UBR3: variants seen among roughly 807,000 people sequenced by gnomAD.
UBR3 encodes the protein E3 ubiquitin-protein ligase UBR3.
In UBR3, 85 loss-of-function variants were observed where a neutral mutation model predicts 243.2. That is an observed-to-expected ratio of 0.35 (90% confidence interval 0.29 to 0.42). The LOEUF (loss-of-function observed/expected upper bound fraction) is 0.42. Among genes scored for constraint, UBR3 ranks in the 10% least tolerant of loss-of-function variants. The pLI is 1.00. For synonymous variants in UBR3, 748 were observed against 799.8 expected (o/e 0.94, Z 1.09); for missense variants, 1,686 against 2,300.8 (o/e 0.73, Z 5.47).
At chr2:169,992,174 A>T (rs1356318392) in intron 25 of UBR3, among the ~76,000 whole-genome samples, 1 of 152,222 alleles carries the variant, frequency 6.6e-6, no homozygotes, top group Non-Finnish European at 1.5e-5. Flanking sequence ...TAAATGAATG[A>T]TTTCCTACAA....
chr2:169,892,896 G>A (rs1184309962), intron 6 of UBR3, among the ~76,000 whole-genome samples: 1 of 152,202 alleles, frequency 6.6e-6, no homozygotes, highest in Non-Finnish European at 1.5e-5. Context: ...AGATTATTGA[G>A]CTAGTGAGTT....
chr2:169,986,094 A>G (rs1462567632), intron 24 of UBR3, among the ~76,000 whole-genome samples: 1 of 152,176 alleles, frequency 6.6e-6, no homozygotes, highest in Non-Finnish European at 1.5e-5. Flanking sequence ...TGCTTTATTC[A>G]TATATAATAT....
intron 35 of UBR3, among the ~76,000 whole-genome samples, chr2:170,069,415 ATAT>A (rs2091649350): frequency 6.6e-6 from 1 of 152,148 alleles, no homozygotes; most frequent in Non-Finnish European, 1.5e-5. Context: ...GCTAATTAAC[ATAT>A]CCATAATCTC....
At chr2:170,076,532 C>T (rs2091814214) in intron 36 of UBR3, among the ~76,000 whole-genome samples, 1 of 152,190 alleles carries the variant, frequency 6.6e-6, no homozygotes, top group South Asian at 2.1e-4. Flanking sequence ...TACTCACACC[C>T]AGATGGCCTG....
chr2:169,931,207 C>T (rs10432465), intron 18 of UBR3, among the ~76,000 whole-genome samples: 64,175 of 151,518 alleles, frequency 0.42, 15,179 homozygotes, highest in Non-Finnish European at 0.54. Flanking sequence ...AAAAATTAGC[C>T]GGGCTTGGTG....
intron 1 of UBR3, among the ~76,000 whole-genome samples, chr2:169,839,666 A>C (rs1324560187): frequency 6.6e-6 from 1 of 151,982 alleles, no homozygotes; most frequent in African/African-American, 2.4e-5. Context: ...CATCAAATAA[A>C]ACACACACAC....
At chr2:170,068,047 G>T (rs1336720556) in intron 35 of UBR3, among the ~76,000 whole-genome samples, 6 of 152,126 alleles carry the variant, frequency 3.9e-5, no homozygotes, top group Admixed American at 3.3e-4. Flanking sequence ...TAGGATTACA[G>T]GCATGAGCCA....
At chr2:169,922,466 A>G (rs2085741469) in intron 11 of UBR3, among the ~76,000 whole-genome samples, 1 of 152,300 alleles carries the variant, frequency 6.6e-6, no homozygotes, top group East Asian at 1.9e-4. Context: ...CACAGAAAAC[A>G]TAAAATTCAC....
chr2:170,031,950 G>A (rs1033011543), intron 31 of UBR3, among the ~76,000 whole-genome samples: 1 of 152,114 alleles, frequency 6.6e-6, no homozygotes, highest in East Asian at 1.9e-4. Context: ...TTTATTCCGT[G>A]TCTTTGCTGT....
intron 2 of UBR3, among the ~76,000 whole-genome samples, chr2:169,874,214 G>A (rs1242840868): frequency 6.6e-6 from 1 of 151,542 alleles, no homozygotes; most frequent in African/African-American, 2.4e-5. Flanking sequence ...TATTGCCCAG[G>A]CTGGAGTGCA....
intron 1 of UBR3, among the ~76,000 whole-genome samples, chr2:169,835,993 G>GTCTTTC (rs1553487579): frequency 3.3e-5 from 1 of 30,738 alleles, no homozygotes; most frequent in Non-Finnish European, 6.2e-5. Context: ...TGTGTGCACT[G>GTCTTTC]TCTCTCTCTC....
chr2:169,871,743 C>CAAAAAAAAAAA (rs562559554), intron 1 of UBR3, among the ~76,000 whole-genome samples: 22 of 95,014 alleles, frequency 2.3e-4, no homozygotes, highest in Admixed American at 3.7e-4. Context: ...CCAAGACTCT[C>CAAAAAAAAAAA]AAAAAAAAAA....
chr2:169,837,940 CTATTG>C (rs1397624308), intron 1 of UBR3, among the ~76,000 whole-genome samples: 1 of 152,146 alleles, frequency 6.6e-6, no homozygotes, highest in Admixed American at 6.6e-5. Context: ...CCTAAGTTCT[CTATTG>C]TATTGATATG....
chr2:169,920,971 G>A (rs1332303024), intron 11 of UBR3, among the ~76,000 whole-genome samples: 1 of 152,176 alleles, frequency 6.6e-6, no homozygotes, highest in Non-Finnish European at 1.5e-5. Context: ...TAAAATCTAG[G>A]CACTAGGTGT....
chr2:170,017,015 A>T (rs1322079085), intron 30 of UBR3: 1 of 195,448 alleles, frequency 5.1e-6, no homozygotes, highest in South Asian at 1.6e-4. Flanking sequence ...TCATATATAT[A>T]TATAGAATAT....
intron 1 of UBR3, among the ~76,000 whole-genome samples, chr2:169,838,431 GT>G (rs2082184463): frequency 1.5e-5 from 2 of 134,640 alleles, no homozygotes; most frequent in African/African-American, 5.3e-5. Context: ...GTGTGTGTGT[GT>G]GTGTGTGTGT....
intron 24 of UBR3, among the ~76,000 whole-genome samples, chr2:169,964,007 C>T (rs2087698545): frequency 6.6e-6 from 1 of 152,126 alleles, no homozygotes; most frequent in Admixed American, 6.6e-5. Context: ...TACACAATCA[C>T]AGTACATCAT....
At chr2:170,064,628 T>C (rs565768944) in intron 35 of UBR3, among the ~76,000 whole-genome samples, 1 of 152,074 alleles carries the variant, frequency 6.6e-6, no homozygotes, top group African/African-American at 2.4e-5. Flanking sequence ...AATGTAACTT[T>C]TTTGGACTGA....
intron 5 of UBR3, among the ~76,000 whole-genome samples, chr2:169,886,410 T>A (rs539550712): frequency 1.1e-4 from 16 of 152,312 alleles, no homozygotes; most frequent in South Asian, 8.3e-4. Flanking sequence ...GGCAACTTAT[T>A]CCCTTGATAG....
Sources: gnomAD v4.1 joint callset for allele counts (sites outside exome capture counted in the v4.1 genomes callset) on GRCh38, gnomAD v4.1.1 for gene constraint, MANE v1.5 for transcripts, NCBI Gene and HGNC (gene_info 2026-07-23, HGNC 2026-07-21) for gene names.